Variants in SSBP2 observed in about 807,000 individuals in gnomAD.
SSBP2 encodes the protein single-stranded DNA-binding protein 2.
A neutral mutation model predicts 61.8 loss-of-function variants in SSBP2; 17 were observed. The ratio of observed to expected loss-of-function variants is 0.28; its 90% confidence interval spans 0.19 to 0.41. The LOEUF (loss-of-function observed/expected upper bound fraction) is 0.41. Ranked by LOEUF, SSBP2 falls within the 10% of genes least tolerant of loss-of-function variation. The pLI is 1.00. For synonymous variants in SSBP2, 139 were observed against 141.3 expected, an observed-to-expected ratio of 0.98 and a Z score of 0.12; for missense variants, 310 against 458.7, an observed-to-expected ratio of 0.68 and a Z score of 2.96.
At chr5:81,431,586 T>A (rs957615884) in intron 15 of SSBP2, among the ~76,000 whole-genome samples, 7 of 152,054 alleles carry the variant, frequency 4.6e-5, no homozygotes, top group Admixed American at 2.6e-4. Context: ...ATTACATATC[T>A]TCTTCTCTCT....
intron 9 of SSBP2, among the ~76,000 whole-genome samples, chr5:81,462,459 G>A (rs1448062914): frequency 2.6e-5 from 4 of 152,208 alleles, no homozygotes; most frequent in Non-Finnish European, 4.4e-5. Context: ...GAATGCCCAA[G>A]TGGAATTTTT....
chr5:81,676,494 G>C (rs975333341), intron 1 of SSBP2, among the ~76,000 whole-genome samples: 1 of 152,044 alleles, frequency 6.6e-6, no homozygotes, highest in Non-Finnish European at 1.5e-5. Context: ...CTCAACCCAC[G>C]TAACACATTC....
At chr5:81,538,182 A>G (rs1182428271) in intron 4 of SSBP2, among the ~76,000 whole-genome samples, 1 of 152,210 alleles carries the variant, frequency 6.6e-6, no homozygotes, top group Non-Finnish European at 1.5e-5. Context: ...CTCCAGTGAA[A>G]CACAGATGAT....
At chr5:81,750,661 C>T (rs1285560643) in intron 1 of SSBP2, 6 of 315,982 alleles carry the variant, frequency 1.9e-5, no homozygotes, top group Admixed American at 5.2e-5. Flanking sequence ...TCTAAAGTTA[C>T]TTTGGAAGGT....
At chr5:81,714,580 A>C (rs574980551) in intron 1 of SSBP2, among the ~76,000 whole-genome samples, 9 of 152,290 alleles carry the variant, frequency 5.9e-5, no homozygotes, top group Non-Finnish European at 1.2e-4. Flanking sequence ...CTGACTTTTT[A>C]ATGATTGCCA....
intron 3 of SSBP2, among the ~76,000 whole-genome samples, chr5:81,616,800 C>T (rs1037445424): frequency 6.6e-6 from 1 of 152,066 alleles, no homozygotes; most frequent in Non-Finnish European, 1.5e-5. Flanking sequence ...GACCCCTGTG[C>T]CCCGAGCAGC....
At chr5:81,440,309 A>G (rs1285898060) in intron 14 of SSBP2, among the ~76,000 whole-genome samples, 1 of 152,208 alleles carries the variant, frequency 6.6e-6, no homozygotes, top group Non-Finnish European at 1.5e-5. Context: ...ATGGTAAGAC[A>G]TGAGATTTCT....
intron 2 of SSBP2, among the ~76,000 whole-genome samples, chr5:81,639,821 T>C (rs893905937): frequency 6.6e-6 from 1 of 152,176 alleles, no homozygotes; most frequent in Non-Finnish European, 1.5e-5. Flanking sequence ...AAGTTAGGAA[T>C]TCTTATCCCA....
intron 3 of SSBP2, among the ~76,000 whole-genome samples, chr5:81,631,899 A>G (rs182204704): frequency 2.6e-4 from 39 of 152,300 alleles, no homozygotes; most frequent in Non-Finnish European, 5.0e-4. Flanking sequence ...TGCTGAAATG[A>G]TAAGTAGTGG....
At chr5:81,544,665 A>G (rs909656116) in intron 4 of SSBP2, among the ~76,000 whole-genome samples, 5 of 152,202 alleles carry the variant, frequency 3.3e-5, no homozygotes, top group Non-Finnish European at 7.3e-5. Flanking sequence ...TAATTGTTCA[A>G]AGGGGAAAAA....
At chr5:81,478,686 G>T in intron 6 of SSBP2, among the ~76,000 whole-genome samples, 1 of 152,096 alleles carries the variant, frequency 6.6e-6, no homozygotes. Flanking sequence ...GCTCAGGCAG[G>T]TCTTGAACTC....
At chr5:81,607,574 C>G (rs1745003371) in intron 4 of SSBP2, among the ~76,000 whole-genome samples, 2 of 152,100 alleles carry the variant, frequency 1.3e-5, no homozygotes, top group South Asian at 4.1e-4. Flanking sequence ...GAAGAAAGGG[C>G]TAATATGTTG....
intron 16 of SSBP2, among the ~76,000 whole-genome samples, chr5:81,423,662 T>C (rs1051286054): frequency 2.6e-5 from 4 of 152,032 alleles, no homozygotes; most frequent in Admixed American, 2.0e-4. Context: ...GGAGAATCGC[T>C]TGAACCCAGG....
chr5:81,486,948 A>G (rs1489249209), intron 6 of SSBP2, among the ~76,000 whole-genome samples: 2 of 152,236 alleles, frequency 1.3e-5, no homozygotes, highest in East Asian at 1.9e-4. Flanking sequence ...CTAGAAGCAG[A>G]GAGCACCAGC....
chr5:81,560,488 G>A (rs1772960333), intron 4 of SSBP2, among the ~76,000 whole-genome samples: 1 of 151,946 alleles, frequency 6.6e-6, no homozygotes, highest in South Asian at 2.1e-4. Context: ...GAAAGTGGGT[G>A]TTTTAGCAAG....
At chr5:81,576,028 C>A (rs1209548770) in intron 4 of SSBP2, among the ~76,000 whole-genome samples, 1 of 152,144 alleles carries the variant, frequency 6.6e-6, no homozygotes, top group Non-Finnish European at 1.5e-5. Flanking sequence ...AGTTCAATTC[C>A]CCATATGTAA....
chr5:81,678,297 C>T (rs374408929), intron 1 of SSBP2, among the ~76,000 whole-genome samples: 2 of 152,084 alleles, frequency 1.3e-5, no homozygotes, highest in African/African-American at 2.4e-5. Flanking sequence ...TATTAGTAGA[C>T]TAGATGTGGC....
chr5:81,628,833 CT>C (rs1317822162), intron 3 of SSBP2, among the ~76,000 whole-genome samples: 3 of 152,224 alleles, frequency 2.0e-5, no homozygotes, highest in African/African-American at 4.8e-5. Context: ...CTCTTCCATT[CT>C]GAGGCCTTTG....
chr5:81,615,576 T>C lies in SSBP2; in HGVS notation c.198-19A>G, dbSNP rs937602065. On this transcript the variant is annotated intron_variant, in intron 3 of 16. Coordinates refer to ENST00000320672, the MANE Select transcript of SSBP2 (RefSeq NM_012446.5). ...AAATACACTAAAAAAGTAATCATGG[T>C]AACATTAAGAAAATCATACAACACC... The C allele has an allele frequency of 3.2e-6, 5 of 1,544,454 alleles. No homozygotes were observed. The highest frequency in any genetic ancestry group is 4.5e-6 in the Non-Finnish European group (5 of 1,121,120).
Sources: allele counts gnomAD v4.1 joint callset (sites outside exome capture counted in the v4.1 genomes callset), GRCh38; gene constraint gnomAD v4.1.1; transcripts MANE v1.5; gene names NCBI Gene and HGNC (gene_info 2026-07-23, HGNC 2026-07-21).